The following TENM2 variants were observed in gnomAD, a reference collection of about 807,000 sequenced individuals.
The protein encoded by TENM2 is teneurin-2.
A neutral mutation model predicts 245.2 loss-of-function variants in TENM2; 52 were observed. The observed-to-expected ratio is 0.21, with a 90% CI of 0.17 to 0.27. The LOEUF (loss-of-function observed/expected upper bound fraction) is 0.27. Among genes scored for constraint, TENM2 ranks in the 10% least tolerant of loss-of-function variants. The probability of loss-of-function intolerance (pLI) is 1.00; values close to 1 mark genes in which losing one functional copy is unlikely to be tolerated. For synonymous variants in TENM2, 1,363 were observed against 1,438.9 expected (o/e 0.95, Z 1.19); for missense variants, 3,046 against 3,666.8 (o/e 0.83, Z 4.37).
chr5:167,672,069 GCAAA>G (rs148610863), intron 2 of TENM2, among the ~76,000 whole-genome samples: 2,600 of 152,050 alleles, frequency 0.017, 63 homozygotes, highest in East Asian at 0.094. Flanking sequence ...CTTGCAATGT[GCAAA>G]ATTATGCAGT....
the TENM2 span, among the ~76,000 whole-genome samples, chr5:167,122,496 G>A: frequency 6.6e-6 from 1 of 152,018 alleles, no homozygotes; most frequent in Non-Finnish European, 1.5e-5. Context: ...TCTGTTTCTT[G>A]TAGGCTGTGC....
intron 3 of TENM2, among the ~76,000 whole-genome samples, chr5:167,929,016 A>G (rs11749331): frequency 7.3e-6 from 1 of 136,696 alleles, no homozygotes; most frequent in South Asian, 2.4e-4. Context: ...GAGAAAAAGA[A>G]AGAGAAAGGA....
intron 5 of TENM2, among the ~76,000 whole-genome samples, chr5:168,013,064 C>T (rs992017371): frequency 6.6e-6 from 1 of 152,078 alleles, no homozygotes; most frequent in Non-Finnish European, 1.5e-5. Flanking sequence ...AATTATTTGC[C>T]CCTCTTACCA....
At chr5:167,306,952 T>C (rs1351210482) in intron 1 of TENM2, among the ~76,000 whole-genome samples, 12 of 152,204 alleles carry the variant, frequency 7.9e-5, no homozygotes, top group Non-Finnish European at 1.6e-4. Flanking sequence ...CTTGACCAAG[T>C]GCAGGTAACT....
intron 5 of TENM2, among the ~76,000 whole-genome samples, chr5:168,016,363 T>C (rs914488005): frequency 2.0e-5 from 3 of 152,252 alleles, no homozygotes; most frequent in Non-Finnish European, 4.4e-5. Context: ...CATTATTTTA[T>C]CTGACAAACG....
intron 7 of TENM2, among the ~76,000 whole-genome samples, chr5:168,066,510 G>A (rs911489146): frequency 2.6e-5 from 4 of 152,130 alleles, no homozygotes; most frequent in African/African-American, 9.7e-5. Context: ...TCCTGAAAAT[G>A]TGTACCAATT....
At chr5:167,379,252 G>A (rs1760949793) in intron 2 of TENM2, among the ~76,000 whole-genome samples, 1 of 152,146 alleles carries the variant, frequency 6.6e-6, no homozygotes. Flanking sequence ...GTGAAACACA[G>A]ATTCTATTAG....
chr5:167,993,872 G>C (rs1373301772), intron 5 of TENM2, among the ~76,000 whole-genome samples: 2 of 152,232 alleles, frequency 1.3e-5, no homozygotes, highest in Non-Finnish European at 2.9e-5. Context: ...CATAGGTGAA[G>C]TTGCTGGAGT....
the TENM2 span, among the ~76,000 whole-genome samples, chr5:166,987,958 G>GGATT: frequency 6.6e-6 from 1 of 152,000 alleles, no homozygotes; most frequent in African/African-American, 2.4e-5. Context: ...GTAGGTTCTG[G>GGATT]GATTTACTTT....
the TENM2 span, among the ~76,000 whole-genome samples, chr5:166,988,089 G>A: frequency 6.6e-6 from 1 of 152,150 alleles, no homozygotes; most frequent in East Asian, 1.9e-4. Context: ...AGTGCTTGGC[G>A]GCACTGACCC....
intron 2 of TENM2, among the ~76,000 whole-genome samples, chr5:167,644,144 G>A (rs898128530): frequency 3.3e-5 from 5 of 151,950 alleles, no homozygotes; most frequent in Non-Finnish European, 5.9e-5. Context: ...AAATGTTCAG[G>A]GAAAGCATGC....
At chr5:167,437,161 A>C (rs201921561) in intron 2 of TENM2, among the ~76,000 whole-genome samples, 2 of 152,128 alleles carry the variant, frequency 1.3e-5, no homozygotes, top group East Asian at 3.9e-4. Flanking sequence ...AGCAGCCAGG[A>C]GGGGGGCTAT....
At chr5:167,958,275 A>C (rs911058254) in intron 4 of TENM2, among the ~76,000 whole-genome samples, 1 of 152,098 alleles carries the variant, frequency 6.6e-6, no homozygotes, top group Non-Finnish European at 1.5e-5. Context: ...AGTCTGTGTT[A>C]TCAGAGACTA....
At chr5:167,033,954 A>G in the TENM2 span, among the ~76,000 whole-genome samples, 1 of 152,222 alleles carries the variant, frequency 6.6e-6, no homozygotes, top group East Asian at 1.9e-4. Context: ...TTCTTATATC[A>G]TGTTGTAGAA....
intron 4 of TENM2, among the ~76,000 whole-genome samples, chr5:167,984,460 A>G (rs552242894): frequency 2.6e-5 from 4 of 152,304 alleles, no homozygotes; most frequent in African/African-American, 7.2e-5. Context: ...GTTTGAGACC[A>G]GCCTAGCCAA....
At chr5:167,707,566 T>C (rs1250634097) in intron 2 of TENM2, among the ~76,000 whole-genome samples, 1 of 152,190 alleles carries the variant, frequency 6.6e-6, no homozygotes, top group Admixed American at 6.5e-5. Flanking sequence ...AAGTTGTATA[T>C]ATTAAAGTTG....
At chr5:167,397,400 T>G (rs755699651) in intron 2 of TENM2, among the ~76,000 whole-genome samples, 8 of 152,126 alleles carry the variant, frequency 5.3e-5, no homozygotes, top group Non-Finnish European at 1.2e-4. Context: ...ACAAAAACAT[T>G]CTGAAAATTA....
intron 2 of TENM2, among the ~76,000 whole-genome samples, chr5:167,867,530 G>C (rs919737909): frequency 1.3e-5 from 2 of 152,190 alleles, no homozygotes; most frequent in Non-Finnish European, 2.9e-5. Flanking sequence ...AGTTTTGCCA[G>C]GGCCATCTGA....
intron 1 of TENM2, among the ~76,000 whole-genome samples, chr5:167,326,234 T>C (rs1010346521): frequency 6.6e-6 from 1 of 152,198 alleles, no homozygotes; most frequent in African/African-American, 2.4e-5. Context: ...CAGGATATAT[T>C]TGATAGTCTT....
Sources: allele counts gnomAD v4.1 joint callset (sites outside exome capture counted in the v4.1 genomes callset), GRCh38; gene constraint gnomAD v4.1.1; transcripts MANE v1.5; gene names NCBI Gene and HGNC (gene_info 2026-07-23, HGNC 2026-07-21).